ZNF536: variants seen among roughly 807,000 people sequenced by gnomAD.
ZNF536 encodes the protein zinc finger protein 536.
ZNF536 carries 13 observed loss-of-function variants against 84.5 expected under a neutral mutation model. The observed-to-expected ratio is 0.15, with a 90% CI of 0.10 to 0.24. The LOEUF (loss-of-function observed/expected upper bound fraction) is 0.24, where lower values mean the gene tolerates loss of function less well. ZNF536 is among the 10% of genes least tolerant of loss of function. The pLI, the probability that ZNF536 is intolerant of heterozygous loss-of-function variation, is 1.00. For missense variants in ZNF536, 1,536 were observed against 1,747.5 expected (o/e 0.88, Z 2.16); for synonymous variants, 811 against 742.5 (o/e 1.09, Z -1.50).
intron 2 of ZNF536, among the ~76,000 whole-genome samples, chr19:30,323,677 G>A (rs1160402861): frequency 1.3e-5 from 2 of 152,200 alleles, no homozygotes; most frequent in Admixed American, 6.5e-5. Context: ...TCTAGAGGAA[G>A]CCATCCTCCT....
chr19:30,687,339 T>G (rs2051229718), intron 1 of ZNF536, among the ~76,000 whole-genome samples: 1 of 152,240 alleles, frequency 6.6e-6, no homozygotes, highest in African/African-American at 2.4e-5. Flanking sequence ...ATCTGAACTT[T>G]GATGAATTCG....
intron 2 of ZNF536, among the ~76,000 whole-genome samples, chr19:30,451,246 G>C (rs909773643): frequency 6.6e-6 from 1 of 152,264 alleles, no homozygotes; most frequent in Non-Finnish European, 1.5e-5. Flanking sequence ...CTGTCCACTT[G>C]GGACGCCCTG....
intron 1 of ZNF536, chr19:30,436,423 T>C (rs1388820066): frequency 1.2e-6 from 1 of 849,364 alleles, no homozygotes; most frequent in African/African-American, 1.8e-5. Context: ...ATGTTTGTGA[T>C]GTAATTTGTT....
At chr19:30,482,381 G>A (rs1439636295) in intron 2 of ZNF536, among the ~76,000 whole-genome samples, 1 of 152,168 alleles carries the variant, frequency 6.6e-6, no homozygotes, top group African/African-American at 2.4e-5. Context: ...CTTCCCCAAT[G>A]TCACACAGGA....
chr19:30,301,914 G>T (rs1044088377), intron 2 of ZNF536, among the ~76,000 whole-genome samples: 3 of 151,932 alleles, frequency 2.0e-5, no homozygotes, highest in African/African-American at 7.3e-5. Flanking sequence ...TGTGGGCTAG[G>T]TAGAATCTGC....
At chr19:30,508,970 G>A (rs1599633280) in intron 2 of ZNF536, among the ~76,000 whole-genome samples, 1 of 151,016 alleles carries the variant, frequency 6.6e-6, no homozygotes, top group East Asian at 1.9e-4. Context: ...TGGGAGCACA[G>A]TTGTGTGCCA....
At chr19:30,348,313 A>G (rs2047814353) in intron 2 of ZNF536, among the ~76,000 whole-genome samples, 1 of 152,172 alleles carries the variant, frequency 6.6e-6, no homozygotes. Flanking sequence ...CATCTTTCAT[A>G]TGATTGGATG....
At chr19:30,536,220 C>T (rs1379188242) in intron 3 of ZNF536, among the ~76,000 whole-genome samples, 1 of 152,184 alleles carries the variant, frequency 6.6e-6, no homozygotes, top group Non-Finnish European at 1.5e-5. Context: ...TGAAACACCA[C>T]CTGCATTCTC....
chr19:30,598,957 C>CTCCT lies in ZNF536; in HGVS notation c.169+49444_169+49445insCCTT, dbSNP rs1555808758. Among the ~76,000 whole-genome samples the CTCCT allele has an allele frequency of 3.5e-4, 28 of 79,560 alleles. 1 individual carries two copies. In the East Asian group the frequency reaches 7.7e-3, roughly 22 times the overall value. 52.2% of individuals were successfully genotyped at this position (79,560 alleles called of 152,430 possible). A position where few individuals can be genotyped will look rare whatever the true frequency, so the allele number is the denominator to read the frequency against. On this transcript the variant is annotated intron_variant, in intron 1 of 1. Coordinates refer to the ZNF536 transcript ENST00000592773. ...CCTCCCTCCCTCCCTTTCTTCCTTC[C>CTCCT]TTCCTCCTTCCCTCCTTCCCTCCCT...
intron 1 of ZNF536, among the ~76,000 whole-genome samples, chr19:30,441,155 C>A (rs1404956521): frequency 6.6e-6 from 1 of 152,192 alleles, no homozygotes. Flanking sequence ...GTCAGCTCAT[C>A]AGCAGCAACC....
intron 1 of ZNF536, among the ~76,000 whole-genome samples, chr19:30,651,212 G>T (rs577517813): frequency 6.6e-6 from 1 of 152,348 alleles, no homozygotes; most frequent in South Asian, 2.1e-4. Flanking sequence ...GGTACCGGAA[G>T]CGGGGCTGCT....
chr19:30,536,956 C>T (rs2045108131), intron 3 of ZNF536, among the ~76,000 whole-genome samples: 2 of 152,158 alleles, frequency 1.3e-5, no homozygotes, highest in South Asian at 4.1e-4. Flanking sequence ...GGCAGTGGAC[C>T]CCCCGCCCCA....
chr19:30,688,422 C>T (rs1228218676), intron 1 of ZNF536, among the ~76,000 whole-genome samples: 2 of 152,312 alleles, frequency 1.3e-5, no homozygotes, highest in East Asian at 3.9e-4. Context: ...CTCCTTAGGG[C>T]TTAAGATGCA....
chr19:30,333,413 G>A (rs2047280467), intron 2 of ZNF536, among the ~76,000 whole-genome samples: 2 of 152,180 alleles, frequency 1.3e-5, no homozygotes, highest in African/African-American at 4.8e-5. Context: ...CGAGCTGGGT[G>A]GAGAATGAAT....
chr19:30,496,978 G>C (rs1351702844), intron 2 of ZNF536, among the ~76,000 whole-genome samples: 1 of 152,202 alleles, frequency 6.6e-6, no homozygotes, highest in Non-Finnish European at 1.5e-5. Context: ...AAGGGGCTGG[G>C]AGCCCTCTGG....
At chr19:30,688,381 A>T (rs1003139652) in intron 1 of ZNF536, among the ~76,000 whole-genome samples, 34 of 152,206 alleles carry the variant, frequency 2.2e-4, no homozygotes, top group African/African-American at 8.2e-4. Context: ...TGTAAATGTC[A>T]GCTGAGTTTC....
chr19:30,355,771 T>A (rs1204942905), intron 3 of ZNF536, among the ~76,000 whole-genome samples: 1 of 152,144 alleles, frequency 6.6e-6, no homozygotes, highest in South Asian at 2.1e-4. Context: ...TAGATTTTCA[T>A]AGGATCCCAG....
chr19:30,494,272 C>T (rs145269862), intron 2 of ZNF536, among the ~76,000 whole-genome samples: 4 of 152,274 alleles, frequency 2.6e-5, no homozygotes, highest in Non-Finnish European at 5.9e-5. Context: ...ATGACTGGTT[C>T]GTTACAGCTA....
chr19:30,678,733 G>GCCCCCCC (rs148987682), intron 1 of ZNF536, among the ~76,000 whole-genome samples: 1 of 132,768 alleles, frequency 7.5e-6, no homozygotes, highest in Non-Finnish European at 1.6e-5. Flanking sequence ...CCACCCCCAA[G>GCCCCCCC]CCCCCCCACA....
Sources: allele counts gnomAD v4.1 joint callset (sites outside exome capture counted in the v4.1 genomes callset), GRCh38; gene constraint gnomAD v4.1.1; transcripts MANE v1.5; gene names NCBI Gene and HGNC (gene_info 2026-07-23, HGNC 2026-07-21).